Variants in CDH13 observed in about 807,000 individuals in gnomAD.
CDH13 encodes the protein cadherin 13.
A neutral mutation model predicts 63.8 loss-of-function variants in CDH13; 24 were observed. The observed-to-expected ratio is 0.38, with a 90% confidence interval of 0.27 to 0.53. The LOEUF is 0.53. CDH13 is among the 20% of genes least tolerant of loss of function. CDH13 has a pLI of 0.85. For synonymous variants in CDH13, 503 were observed against 355.3 expected (o/e 1.42, Z -4.67); for missense variants, 1,049 against 903.1 (o/e 1.16, Z -2.07).
intron 7 of CDH13, among the ~76,000 whole-genome samples, chr16:83,506,100 A>G (rs4238689): frequency 0.71 from 107,864 of 152,032 alleles, 39,351 homozygotes; most frequent in East Asian, 0.89. Context: ...CACTCATGGC[A>G]AACAGGATTT....
chr16:83,164,320 C>A (rs1486528162), intron 4 of CDH13, among the ~76,000 whole-genome samples: 1 of 151,830 alleles, frequency 6.6e-6, no homozygotes, highest in Non-Finnish European at 1.5e-5. Flanking sequence ...CTACATACCA[C>A]ACATCACACA....
chr16:83,782,394 C>A (rs144841681), intron 12 of CDH13, among the ~76,000 whole-genome samples: 9 of 151,942 alleles, frequency 5.9e-5, no homozygotes, highest in Non-Finnish European at 1.2e-4. Context: ...CTCTATGTTG[C>A]GGGTTCCCAC....
intron 8 of CDH13, among the ~76,000 whole-genome samples, chr16:83,621,913 T>C (rs975364479): frequency 6.6e-6 from 1 of 152,176 alleles, no homozygotes; most frequent in Non-Finnish European, 1.5e-5. Context: ...TGTCCCTCCG[T>C]CATTTCTTCT....
chr16:83,734,306 G>A (rs187158522), intron 10 of CDH13, among the ~76,000 whole-genome samples: 3 of 152,276 alleles, frequency 2.0e-5, no homozygotes, highest in African/African-American at 7.2e-5. Context: ...ACTGAGACAA[G>A]ACAAAAGCCA....
intron 6 of CDH13, among the ~76,000 whole-genome samples, chr16:83,387,209 C>A (rs985066077): frequency 6.6e-6 from 1 of 152,108 alleles, no homozygotes; most frequent in Non-Finnish European, 1.5e-5. Context: ...GGTACCCATT[C>A]TTATGCTCAC....
chr16:83,361,736 T>C (rs965297980), intron 6 of CDH13, among the ~76,000 whole-genome samples: 3 of 152,138 alleles, frequency 2.0e-5, no homozygotes, highest in Non-Finnish European at 4.4e-5. Context: ...CAGATGCCTA[T>C]AGGTGTGCAG....
At chr16:83,068,387 C>G (rs1053531231) in intron 3 of CDH13, among the ~76,000 whole-genome samples, 2 of 152,228 alleles carry the variant, frequency 1.3e-5, no homozygotes, top group East Asian at 1.9e-4. Flanking sequence ...TGGAACTTCC[C>G]AAGACTCTGT....
chr16:83,224,245 C>G (rs1597549551), intron 5 of CDH13, among the ~76,000 whole-genome samples: 1 of 152,350 alleles, frequency 6.6e-6, no homozygotes, highest in Admixed American at 6.5e-5. Flanking sequence ...TCTTTATTCA[C>G]TCATTGATTG....
intron 6 of CDH13, among the ~76,000 whole-genome samples, chr16:83,405,576 A>G (rs2092030070): frequency 6.6e-6 from 1 of 152,212 alleles, no homozygotes; most frequent in Non-Finnish European, 1.5e-5. Flanking sequence ...GATTCATTTT[A>G]GACTCCCGAC....
At chr16:82,850,762 A>T (rs1335698155) in intron 1 of CDH13, among the ~76,000 whole-genome samples, 1 of 152,220 alleles carries the variant, frequency 6.6e-6, no homozygotes, top group Non-Finnish European at 1.5e-5. Context: ...CTCATCACTC[A>T]GCAGCCACCA....
chr16:83,298,075 A>T, intron 5 of CDH13, among the ~76,000 whole-genome samples: 1 of 149,806 alleles, frequency 6.7e-6, no homozygotes, highest in Non-Finnish European at 1.5e-5. Flanking sequence ...AAAAAGAAAA[A>T]GAAAAAAAGA....
At chr16:83,518,721 T>C (rs944234873) in intron 7 of CDH13, among the ~76,000 whole-genome samples, 1 of 151,996 alleles carries the variant, frequency 6.6e-6, no homozygotes, top group Non-Finnish European at 1.5e-5. Flanking sequence ...TCTGCCCGCC[T>C]CAGCCTCCCA....
chr16:83,349,080 C>T (rs189556522), intron 6 of CDH13, among the ~76,000 whole-genome samples: 87 of 152,326 alleles, frequency 5.7e-4, no homozygotes, highest in African/African-American at 1.9e-3. Flanking sequence ...ATTCCGGCTG[C>T]TCAGCACTGA....
chr16:83,030,800 C>T (rs1597178384), intron 2 of CDH13, among the ~76,000 whole-genome samples: 2 of 151,934 alleles, frequency 1.3e-5, no homozygotes, highest in Admixed American at 6.6e-5. Context: ...AACTTACTGG[C>T]TTTTCCCAAC....
intron 11 of CDH13, among the ~76,000 whole-genome samples, chr16:83,772,478 A>C (rs943976249): frequency 6.6e-6 from 1 of 152,224 alleles, no homozygotes; most frequent in Non-Finnish European, 1.5e-5. Context: ...TAAAAAGAAA[A>C]ATCCAATTAC....
At chr16:83,792,926 C>T (rs1026460312) in intron 13 of CDH13, among the ~76,000 whole-genome samples, 2 of 151,970 alleles carry the variant, frequency 1.3e-5, no homozygotes, top group African/African-American at 4.8e-5. Context: ...AAAATGAAAC[C>T]TAATCATGGT....
chr16:82,842,864 G>A (rs2039092128), intron 1 of CDH13, among the ~76,000 whole-genome samples: 1 of 152,134 alleles, frequency 6.6e-6, no homozygotes, highest in Non-Finnish European at 1.5e-5. Flanking sequence ...TTCTGAAGGA[G>A]CATGCAACCT....
intron 1 of CDH13, among the ~76,000 whole-genome samples, chr16:82,678,037 G>A (rs1206756256): frequency 6.6e-6 from 1 of 152,072 alleles, no homozygotes; most frequent in Non-Finnish European, 1.5e-5. Flanking sequence ...AAGAAGCATT[G>A]CACAGAAGGC....
chr16:83,216,414 AT>A (rs2039518983), intron 4 of CDH13, among the ~76,000 whole-genome samples: 11 of 86,602 alleles, frequency 1.3e-4, no homozygotes, highest in Admixed American at 2.7e-4. Context: ...ATATATATAT[AT>A]ATATATATAT....
Sources: gnomAD v4.1 joint callset for allele counts (sites outside exome capture counted in the v4.1 genomes callset) on GRCh38, gnomAD v4.1.1 for gene constraint, MANE v1.5 for transcripts, NCBI Gene and HGNC (gene_info 2026-07-23, HGNC 2026-07-21) for gene names.